DNAH8: variants seen among roughly 807,000 people sequenced by gnomAD.
DNAH8 encodes axonemal beta dynein heavy chain 8.
Under a neutral mutation model 562.1 loss-of-function variants are expected in DNAH8, and 382 were observed. The observed-to-expected ratio is 0.68, with a 90% confidence interval of 0.63 to 0.74. The LOEUF is 0.74. Among genes scored for constraint, DNAH8 ranks in the 30% least tolerant of loss-of-function variants. DNAH8 has a pLI of 0.00. For synonymous variants in DNAH8, 1,881 were observed against 1,919.4 expected, an observed-to-expected ratio of 0.98 and a Z score of 0.52; for missense variants, 5,203 against 5,620.4, an observed-to-expected ratio of 0.93 and a Z score of 2.37.
At chr6:39,008,542 G>A (rs1040753938) in intron 88 of DNAH8, among the ~76,000 whole-genome samples, 11 of 152,126 alleles carry the variant, frequency 7.2e-5, no homozygotes, top group African/African-American at 2.7e-4. Flanking sequence ...GTGAAGAAGC[G>A]ATTTGGATTT....
At chr6:38,945,852 A>C (rs1272654178) in intron 80 of DNAH8, among the ~76,000 whole-genome samples, 1 of 152,132 alleles carries the variant, frequency 6.6e-6, no homozygotes. Context: ...TTGCTGCTGG[A>C]ATCAGAACCA....
intron 24 of DNAH8, among the ~76,000 whole-genome samples, chr6:38,813,073 T>C (rs1368906755): frequency 2.6e-5 from 4 of 152,220 alleles, no homozygotes; most frequent in African/African-American, 9.6e-5. Context: ...TTTTGGAGAA[T>C]ACCTTCAGCT....
rs1783122151 is a variant in DNAH8 at position 38,938,149 on chromosome 6, A to G, written c.11739A>G (p.Thr3913=). 1 of 1,613,998 alleles carries G rather than the reference A, an allele frequency of 6.2e-7. No homozygotes were observed. The highest frequency in any genetic ancestry group is 1.7e-5 in the Admixed American group (1 of 59,992). The change falls in exon 78 of 93, where the codon ACA becomes ACG. Residue 3913 remains threonine, a synonymous_variant. Coordinates refer to ENST00000327475, the MANE Select transcript of DNAH8 (RefSeq NM_001206927.2). ...GAAGCATCCTCTACTTCCTCATCAC[A>G]GAGATGAGCATGGTCAACATCATGT... ...TRGSILYFLI[T]EMSMVNIMYQ...
intron 86 of DNAH8, 118 bp from the exon 87 acceptor site, chr6:38,984,088 A>T: frequency 1.7e-6 from 1 of 595,648 alleles, no homozygotes; most frequent in Non-Finnish European, 3.0e-6. Context: ...GAATAATTTT[A>T]AATGTGAGTC....
intron 91 of DNAH8, among the ~76,000 whole-genome samples, chr6:39,023,668 A>G (rs1416184937): frequency 6.6e-6 from 1 of 152,208 alleles, no homozygotes; most frequent in Non-Finnish European, 1.5e-5. Flanking sequence ...AAAGATGGCC[A>G]TTCATTTTTT....
intron 36 of DNAH8, 61 bp from the exon 37 acceptor site, chr6:38,848,587 A>T (rs905996733): frequency 7.3e-7 from 1 of 1,368,802 alleles, no homozygotes; most frequent in African/African-American, 1.5e-5. Context: ...TTACTTCGGT[A>T]AGGCCATACT....
chr6:38,775,630 G>C, intron 12 of DNAH8, 124 bp from the exon 13 acceptor site: 2 of 628,592 alleles, frequency 3.2e-6, no homozygotes, highest in South Asian at 4.1e-5. Context: ...GTTGGTTTTA[G>C]CGAAATTATT....
At chr6:38,956,712 T>C (rs528289266) in intron 82 of DNAH8, among the ~76,000 whole-genome samples, 22 of 152,138 alleles carry the variant, frequency 1.4e-4, no homozygotes, top group Admixed American at 1.4e-3. Context: ...ACAAAAAACT[T>C]GTTATAAATA....
chr6:38,828,066 CT>C, intron 29 of DNAH8, 117 bp from the exon 30 acceptor site: 1 of 700,438 alleles, frequency 1.4e-6, no homozygotes. Context: ...TTGGAAACCA[CT>C]TTTCTAGAAC....
intron 82 of DNAH8, among the ~76,000 whole-genome samples, chr6:38,967,074 A>G (rs971995334): frequency 6.6e-6 from 1 of 152,218 alleles, no homozygotes; most frequent in Admixed American, 6.5e-5. Context: ...AGATGCAGAA[A>G]AGCATTGAAA....
In DNAH8 at chr6:38,951,306, A is replaced by G. The variant is rs1050431617; in HGVS notation, c.12249-12A>G. On this transcript the variant is annotated splice_polypyrimidine_tract_variant and intron_variant, in intron 81 of 92. Coordinates refer to ENST00000327475, the MANE Select transcript of DNAH8 (RefSeq NM_001206927.2). ...GTTTAGTTTATTTCGCCTAACTTGT[A>G]TTCATTTTTAGGTCTTGGTGCCCAG... The G allele has an allele frequency of 1.9e-6, 3 of 1,611,978 alleles. No individual in the cohort carries two copies. The highest frequency in any genetic ancestry group is 1.7e-6 in the Non-Finnish European group (2 of 1,178,374).
At chr6:38,761,867 G>A in intron 11 of DNAH8, 64 bp downstream of exon 11, 1 of 961,390 alleles carries the variant, frequency 1.0e-6, no homozygotes, top group Non-Finnish European at 1.5e-6. Context: ...ATTTTACTTT[G>A]TTTATTCACA....
intron 11 of DNAH8, among the ~76,000 whole-genome samples, chr6:38,765,380 C>T (rs1478336048): frequency 3.9e-5 from 6 of 152,076 alleles, no homozygotes; most frequent in Admixed American, 1.3e-4. Context: ...AAATCATTGC[C>T]AAGTAGCTTT....
chr6:38,904,938 T>C (rs1323722915), intron 62 of DNAH8, among the ~76,000 whole-genome samples: 2 of 152,240 alleles, frequency 1.3e-5, no homozygotes, highest in Middle Eastern at 3.4e-3. Context: ...AGAATACTTT[T>C]GGAAAACTTG....
At chr6:38,883,762 T>C (rs749084858) in intron 55 of DNAH8, 114 bp from the exon 56 acceptor site, 17 of 834,420 alleles carry the variant, frequency 2.0e-5, no homozygotes, top group Non-Finnish European at 2.9e-5. Context: ...TAATTATATG[T>C]ATACTTATTA....
chr6:38,781,165 T>G, intron 15 of DNAH8, 89 bp from the exon 16 acceptor site: 1 of 1,418,390 alleles, frequency 7.1e-7, no homozygotes, highest in Non-Finnish European at 9.8e-7. Flanking sequence ...ACATGAATAA[T>G]GATAAAACAA....
At chr6:38,823,958 C>T (rs192104311) in intron 28 of DNAH8, among the ~76,000 whole-genome samples, 1 of 152,140 alleles carries the variant, frequency 6.6e-6, no homozygotes, top group East Asian at 1.9e-4. Context: ...TCTTTATACA[C>T]ACATCCGTAG....
chr6:38,967,897 TA>T (rs1415413939), intron 82 of DNAH8, among the ~76,000 whole-genome samples: 1 of 152,132 alleles, frequency 6.6e-6, no homozygotes, highest in Non-Finnish European at 1.5e-5. Flanking sequence ...CTACAGTAAT[TA>T]AAACAGTGTG....
chr6:38,853,818 T>A (rs117951146), intron 41 of DNAH8, among the ~76,000 whole-genome samples: 2,317 of 152,306 alleles, frequency 0.015, 94 homozygotes, highest in East Asian at 0.15. Flanking sequence ...AGGCAAAATC[T>A]TCTAACACCA....
Sources: allele counts gnomAD v4.1 joint callset (sites outside exome capture counted in the v4.1 genomes callset), GRCh38; gene constraint gnomAD v4.1.1; transcripts MANE v1.5; gene names NCBI Gene and HGNC (gene_info 2026-07-23, HGNC 2026-07-21).